The following TTLL7 variants were observed in gnomAD, a reference collection of about 807,000 sequenced individuals.
The protein encoded by TTLL7 is tubulin tyrosine ligase like 7.
In TTLL7, 53 loss-of-function variants were observed where a neutral mutation model predicts 120.2. That is an observed-to-expected ratio of 0.44 (90% CI 0.35 to 0.55). TTLL7 has a LOEUF of 0.55. Among genes scored for constraint, TTLL7 ranks in the 20% least tolerant of loss-of-function variants. TTLL7 has a pLI of 0.00. For missense variants in TTLL7, 803 were observed against 1,054.7 expected (o/e 0.76, Z 3.31); for synonymous variants, 353 against 351.7 (o/e 1.00, Z -0.04).
intron 19 of TTLL7, among the ~76,000 whole-genome samples, chr1:83,887,612 C>T (rs924893476): frequency 6.6e-6 from 1 of 152,090 alleles, no homozygotes; most frequent in Non-Finnish European, 1.5e-5. Flanking sequence ...TCCTGCCTCA[C>T]CTGCACAGGC....
In TTLL7 at chr1:83,909,761, A is replaced by C. The variant is rs958920848; in HGVS notation, c.1786+1404T>G. On this transcript the variant is annotated intron_variant, in intron 15 of 20. Transcript: ENST00000260505. ...CAAAGAACAATCTCAGAGCTATAAC[A>C]ATGTTAGCAAATTTTACTCCAACCT... 5.3e-5 allele frequency among the ~76,000 whole-genome samples: 8 copies of C among 152,238 alleles called. No homozygotes were observed. The East Asian group carries it at 1.5e-3, about 29-fold the overall frequency.
At chr1:83,980,479 G>C (rs1423542970) in intron 1 of TTLL7, 1 of 152,140 alleles carries the variant, frequency 6.6e-6, no homozygotes, top group Non-Finnish European at 1.5e-5. Flanking sequence ...ATCTTGGCCA[G>C]GCTTTTCTCT....
At chr1:83,917,871 A>G (rs1165387248) in intron 13 of TTLL7, among the ~76,000 whole-genome samples, 181 bp from the exon 14 acceptor site, 1 of 152,166 alleles carries the variant, frequency 6.6e-6, no homozygotes, top group Non-Finnish European at 1.5e-5. Flanking sequence ...TTTCACTAAA[A>G]TCTGGCATTA....
At position 83,907,510 on chromosome 1, in the gene TTLL7, G is replaced by A. The variant is rs757893967; in HGVS notation, c.1938C>T (p.Ser646=). Residue 646 remains serine, a synonymous_variant, in exon 16 of 21, where the codon TCC becomes TCT. Transcript: ENST00000260505. Reference sequence around the variant, plus strand: ...TACTGTGAGGCAGATGCCTCATGTAGGAGGAAGCACGGTTTAAGGAATGTG... The same window carrying A: ...TACTGTGAGGCAGATGCCTCATGTAAGAGGAAGCACGGTTTAAGGAATGTG... ...SRSHSLNRAS[S]YMRHLPHSND... 6.2e-7 allele frequency: 1 copy of A among 1,613,184 alleles called. No homozygotes were observed. Among genetic ancestry groups the A allele is most frequent in the East Asian group, 2.2e-5 (1 of 44,844 alleles).
chr1:83,915,194 A>T (rs1346469900), intron 14 of TTLL7, among the ~76,000 whole-genome samples: 1 of 152,144 alleles, frequency 6.6e-6, no homozygotes, highest in Non-Finnish European at 1.5e-5. Context: ...AAGCATGAAA[A>T]TACGATAGAA....
At chr1:83,922,499 C>T (rs892503786) in intron 10 of TTLL7, among the ~76,000 whole-genome samples, 1 of 152,134 alleles carries the variant, frequency 6.6e-6, no homozygotes, top group Non-Finnish European at 1.5e-5. Flanking sequence ...CTTGACCTTG[C>T]AGGAATGTTA....
chr1:83,908,670 T>C (rs749528899), intron 15 of TTLL7, among the ~76,000 whole-genome samples: 3 of 152,048 alleles, frequency 2.0e-5, no homozygotes, highest in Non-Finnish European at 2.9e-5. Context: ...AATATTTTTA[T>C]TGTTTTTCAG....
chr1:83,988,882 G>C (rs1260800803), intron 1 of TTLL7, among the ~76,000 whole-genome samples: 1 of 151,910 alleles, frequency 6.6e-6, no homozygotes, highest in Non-Finnish European at 1.5e-5. Context: ...GCTAATTTTT[G>C]TATTTTTAGT....
intron 1 of TTLL7, 71 bp downstream of exon 1, chr1:83,998,860 C>T: frequency 2.9e-6 from 1 of 339,126 alleles, no homozygotes; most frequent in Non-Finnish European, 5.9e-6. Flanking sequence ...GAAAGAGGGC[C>T]AGGGCGGAGC....
At chr1:83,908,864 A>T (rs1404503010) in intron 15 of TTLL7, among the ~76,000 whole-genome samples, 1 of 151,992 alleles carries the variant, frequency 6.6e-6, no homozygotes, top group Non-Finnish European at 1.5e-5. Context: ...ATATTTAGGG[A>T]TGTACTTCTA....
intron 10 of TTLL7, among the ~76,000 whole-genome samples, chr1:83,928,304 T>C (rs939053463): frequency 1.3e-5 from 2 of 152,156 alleles, no homozygotes; most frequent in African/African-American, 4.8e-5. Context: ...TGAATGACAA[T>C]TAAATAAATT....
chr1:83,906,525 T>C (rs1238001694), intron 16 of TTLL7, 62 bp from the exon 17 acceptor site: 4 of 1,604,040 alleles, frequency 2.5e-6, no homozygotes, highest in Non-Finnish European at 3.4e-6. Flanking sequence ...CAGTATAATC[T>C]GAAAGATATT....
At chr1:83,981,757 G>A (rs575722355) in intron 1 of TTLL7, among the ~76,000 whole-genome samples, 4 of 151,974 alleles carry the variant, frequency 2.6e-5, no homozygotes, top group East Asian at 1.9e-4. Context: ...GTGTGAACCC[G>A]GGGGCGGAGC....
chr1:83,892,914 A>G (rs1013025382), intron 18 of TTLL7, among the ~76,000 whole-genome samples: 15 of 114,408 alleles, frequency 1.3e-4, no homozygotes, highest in African/African-American at 4.7e-4. Flanking sequence ...GGAAAAAGAA[A>G]AAAGAAAGAA....
chr1:83,895,590 A>C (rs1656140600), intron 18 of TTLL7, among the ~76,000 whole-genome samples: 1 of 152,102 alleles, frequency 6.6e-6, no homozygotes, highest in Non-Finnish European at 1.5e-5. Context: ...AAATGAATTC[A>C]GGTAGGTTAG....
At chr1:83,932,257 C>G (rs1659658466) in intron 9 of TTLL7, among the ~76,000 whole-genome samples, 1 of 152,056 alleles carries the variant, frequency 6.6e-6, no homozygotes, top group South Asian at 2.1e-4. Context: ...CCCACTCCAT[C>G]AATGACAAAA....
intron 20 of TTLL7, among the ~76,000 whole-genome samples, chr1:83,879,375 T>C (rs1654242649): frequency 1.3e-5 from 2 of 151,960 alleles, no homozygotes; most frequent in Non-Finnish European, 2.9e-5. Context: ...AGAACCAAAT[T>C]ATCTGATTTG....
chr1:83,922,704 G>C (rs1658785839), intron 10 of TTLL7, among the ~76,000 whole-genome samples: 1 of 139,820 alleles, frequency 7.2e-6, no homozygotes, highest in Non-Finnish European at 1.6e-5. Flanking sequence ...CTAGGTTATT[G>C]AGCCTCAAAT....
intron 14 of TTLL7, among the ~76,000 whole-genome samples, chr1:83,915,573 T>C (rs1253320730): frequency 6.6e-6 from 1 of 152,102 alleles, no homozygotes; most frequent in African/African-American, 2.4e-5. Flanking sequence ...ATTCAGGACA[T>C]AGGCATGGGC....
Sources: gnomAD v4.1 joint callset for allele counts (sites outside exome capture counted in the v4.1 genomes callset) on GRCh38, gnomAD v4.1.1 for gene constraint, MANE v1.5 for transcripts, NCBI Gene and HGNC (gene_info 2026-07-23, HGNC 2026-07-21) for gene names.